Variants in ARHGEF33 observed in about 807,000 individuals in gnomAD.
The protein encoded by ARHGEF33 is DH and coiled-coil domain-containing protein ENSP00000381780.
ARHGEF33 carries 72 observed loss-of-function variants against 101.9 expected under a neutral mutation model. The ratio of observed to expected loss-of-function variants is 0.71; its 90% CI spans 0.58 to 0.86. ARHGEF33 has a LOEUF of 0.86. Among genes scored for constraint, ARHGEF33 ranks in the 40% least tolerant of loss-of-function variants. The pLI, the probability that ARHGEF33 is intolerant of heterozygous loss-of-function variation, is 0.00. For synonymous variants in ARHGEF33, 499 were observed against 442.5 expected (o/e 1.13, Z -1.60); for missense variants, 1,169 against 1,111.3 (o/e 1.05, Z -0.74).
chr2:38,933,360 C>T (rs1667051519), intron 7 of ARHGEF33, among the ~76,000 whole-genome samples: 2 of 151,990 alleles, frequency 1.3e-5, no homozygotes, highest in Admixed American at 1.3e-4. Context: ...AATACAGAAG[C>T]CACAGTGGGT....
At position 38,959,846 on chromosome 2, in the gene ARHGEF33, T is replaced by C; in HGVS notation, c.1541T>C (p.Leu514Pro). 1 of 1,546,710 alleles carries C rather than the reference T, an allele frequency of 6.5e-7. No homozygotes were observed. Among genetic ancestry groups the C allele is most frequent in the Non-Finnish European group, 8.7e-7 (1 of 1,143,504 alleles). Residue 514 changes from leucine (L) to proline (P), a missense_variant, in exon 16 of 18, where the codon CTG (leucine) becomes CCG (proline). By Grantham distance (98) the Leu-to-Pro change is moderately conservative. Transcript: ENST00000409978. Reference protein sequence around the residue: ...APSSGPAITHLMPPVKKSQQQ... With the variant: ...APSSGPAITHPMPPVKKSQQQ... ...ACTCTGTTTTCCCCCTAAAGACATCTGATGCCCCCAGTGAAGAAAAGCCAA... is the reference window on the plus strand; with the variant it reads ...ACTCTGTTTTCCCCCTAAAGACATCCGATGCCCCCAGTGAAGAAAAGCCAA...
chr2:38,959,139 C>T (rs188584187), intron 15 of ARHGEF33: 3 of 152,338 alleles, frequency 2.0e-5, no homozygotes, highest in Admixed American at 2.0e-4. Context: ...TGATGGTACC[C>T]TATCCTAGTT....
rs1668235701 is a variant in ARHGEF33 at position 38,974,570 on chromosome 2, GCTGAGGATGGAAACAGTCCAGT to G, written c.*731_*752del. 6.6e-6 allele frequency: 1 copy of G among 152,212 alleles called. No homozygotes were observed. The highest frequency in any genetic ancestry group is 6.5e-5 in the Admixed American group (1 of 15,286). The allele number at this position is 152,212 out of a possible 1,614,324, so 9.4% of individuals were successfully genotyped here. On this transcript the variant is annotated 3_prime_UTR_variant, in exon 18 of 18. Coordinates refer to ENST00000409978, the MANE Select transcript of ARHGEF33 (RefSeq NM_001145451.5). ...AAACATTTTCCCTTGTGTGGGTTGAGCTGAGGATGGAAACAGTCCAGTCTGTGTTTTATTGAGTACTCAGTAT... is the reference window on the plus strand; with the variant it reads ...AAACATTTTCCCTTGTGTGGGTTGAGCTGTGTTTTATTGAGTACTCAGTAT...
intron 7 of ARHGEF33, among the ~76,000 whole-genome samples, chr2:38,933,107 A>C (rs547001291): frequency 1.3e-5 from 2 of 152,348 alleles, no homozygotes; most frequent in South Asian, 2.1e-4. Context: ...AGTTTCTCTG[A>C]GTCAGAAATC....
rs915757427 is a variant in ARHGEF33 at position 38,975,123 on chromosome 2, C to T, written c.*1280C>T. ...TTCAGAAGCTGTTCCTCTATTGAAG[C>T]GTTTGTTGATAAAATAGGCAAAGGT... On this transcript the variant is annotated 3_prime_UTR_variant, in exon 18 of 18. Transcript: ENST00000409978. 1 of 152,132 alleles carries T rather than the reference C, an allele frequency of 6.6e-6. No homozygotes were observed. The highest frequency in any genetic ancestry group is 2.4e-5 in the African/African-American group (1 of 41,432). The allele number at this position is 152,132 out of a possible 1,614,324, so 9.4% of individuals were successfully genotyped here.
intron 7 of ARHGEF33, among the ~76,000 whole-genome samples, chr2:38,935,115 A>G (rs531924133): frequency 6.6e-6 from 1 of 151,802 alleles, no homozygotes; most frequent in South Asian, 2.1e-4. Context: ...TATGATCATT[A>G]TAAGGGCTTT....
intron 2 of ARHGEF33, among the ~76,000 whole-genome samples, chr2:38,900,489 A>T (rs990182923): frequency 6.6e-6 from 1 of 152,262 alleles, no homozygotes; most frequent in Non-Finnish European, 1.5e-5. Flanking sequence ...TGTATATCAC[A>T]TATGCTAACT....
In ARHGEF33 at chr2:38,954,064, C is replaced by T. The variant is rs1667681091; in HGVS notation, c.1138-309C>T. ...GCTGGAGAGTCTTAATGAATTAATTCAGCTAAAATATAGTTCATTGAGTGC... is the reference window on the plus strand; with the variant it reads ...GCTGGAGAGTCTTAATGAATTAATTTAGCTAAAATATAGTTCATTGAGTGC... On this transcript the variant is annotated intron_variant, in intron 12 of 17. Coordinates refer to ENST00000409978, the MANE Select transcript of ARHGEF33 (RefSeq NM_001145451.5). 3.3e-5 allele frequency among the ~76,000 whole-genome samples: 5 copies of T among 152,180 alleles called. No individual in the cohort carries two copies. In the South Asian group the frequency reaches 1.0e-3, roughly 31 times the overall value.
chr2:38,922,932 T>C (rs1346967223), intron 4 of ARHGEF33, among the ~76,000 whole-genome samples: 1 of 152,212 alleles, frequency 6.6e-6, no homozygotes, highest in Non-Finnish European at 1.5e-5. Context: ...CTTCACTCAG[T>C]GCTGCTTTGA....
chr2:38,973,035 G>C (rs186599511), intron 17 of ARHGEF33: 1 of 152,374 alleles, frequency 6.6e-6, no homozygotes, highest in Non-Finnish European at 1.5e-5. Flanking sequence ...GAAAACTGGA[G>C]AAGGTGCAGA....
intron 7 of ARHGEF33, among the ~76,000 whole-genome samples, chr2:38,931,538 C>CAGAAGTA (rs1667004427): frequency 1.3e-5 from 2 of 152,020 alleles, no homozygotes; most frequent in Non-Finnish European, 2.9e-5. Flanking sequence ...ACTATGCTAA[C>CAGAAGTA]CCATAAGACA....
At chr2:38,937,312 C>CGGGGGGGGGGGGGGGGGGGGGGGGGGG in intron 8 of ARHGEF33, 23 bp from the exon 9 acceptor site, 69 of 583,312 alleles carry the variant, frequency 1.2e-4, no homozygotes, top group East Asian at 3.0e-4. Context: ...TTTGTTTCCC[C>CGGGGGGGGGGGGGGGGGGGGGGGGGGG]GCCCCTCCCC....
intron 2 of ARHGEF33, 29 bp from the exon 3 acceptor site, chr2:38,919,334 T>C: frequency 9.4e-7 from 1 of 1,060,678 alleles, no homozygotes; most frequent in South Asian, 1.4e-5. Flanking sequence ...TTTTACTTGT[T>C]ATCCCTTACT....
Position 38,960,578 on chromosome 2 carries a change from GC to G in ARHGEF33, c.2274del (p.Ala759HisfsTer21). 7.7e-7 allele frequency: 1 copy of G among 1,302,950 alleles called. No homozygotes were observed. Among genetic ancestry groups the G allele is most frequent in the Non-Finnish European group, 9.9e-7 (1 of 1,007,450 alleles). 80.7% of individuals were successfully genotyped at this position (1,302,950 alleles called of 1,614,324 possible). ...GPAAAAVAAR[G>X]ASRTFFPQQR... Reference sequence around the variant, plus strand: ...GCCGCCGCCGCCGTCGCCGCCCGCGGCGCATCCAGGACCTTCTTCCCCCAAC... The same window carrying G: ...GCCGCCGCCGCCGTCGCCGCCCGCGGGCATCCAGGACCTTCTTCCCCCAAC... On this transcript the variant is annotated frameshift_variant, in exon 16 of 18. Coordinates refer to ENST00000409978, the MANE Select transcript of ARHGEF33 (RefSeq NM_001145451.5). LOFTEE classifies it high-confidence loss of function.
chr2:38,951,258 C>G (rs2124412793), intron 11 of ARHGEF33, 137 bp downstream of exon 11: 3 of 822,142 alleles, frequency 3.6e-6, no homozygotes, highest in East Asian at 2.7e-5. Flanking sequence ...CTTTCTCATT[C>G]TACATACAGA....
chr2:38,943,446 TGTCTAAA>T (rs1360970115), intron 9 of ARHGEF33, among the ~76,000 whole-genome samples: 1 of 152,230 alleles, frequency 6.6e-6, no homozygotes, highest in Non-Finnish European at 1.5e-5. Flanking sequence ...AACTCTACTA[TGTCTAAA>T]GTCTTTAGCC....
At chr2:38,928,310 T>C (rs1004713929) in intron 4 of ARHGEF33, among the ~76,000 whole-genome samples, 2 of 152,190 alleles carry the variant, frequency 1.3e-5, no homozygotes, top group African/African-American at 4.8e-5. Context: ...CTACCAGATA[T>C]TTCTTTGCCT....
intron 16 of ARHGEF33, among the ~76,000 whole-genome samples, chr2:38,965,796 T>C (rs1042548766): frequency 3.3e-5 from 5 of 152,230 alleles, no homozygotes; most frequent in Non-Finnish European, 7.3e-5. Context: ...CCTTGATACA[T>C]AGAAAATACT....
intron 2 of ARHGEF33, among the ~76,000 whole-genome samples, chr2:38,912,218 G>C (rs1666525061): frequency 6.6e-6 from 1 of 152,226 alleles, no homozygotes; most frequent in Non-Finnish European, 1.5e-5. Flanking sequence ...GGGAGGAATA[G>C]GAGCCACATT....
Sources: allele counts gnomAD v4.1 joint callset (sites outside exome capture counted in the v4.1 genomes callset), GRCh38; gene constraint gnomAD v4.1.1; transcripts MANE v1.5; gene names NCBI Gene and HGNC (gene_info 2026-07-23, HGNC 2026-07-21).